The following MYH10 variants were observed in gnomAD, a reference collection of about 807,000 sequenced individuals.
The protein encoded by MYH10 is myosin heavy chain 10, also known as myosin-10.
In MYH10, 55 loss-of-function variants were observed where a neutral mutation model predicts 257.8. That is an observed-to-expected ratio of 0.21 (90% CI 0.17 to 0.27). The LOEUF is 0.27. MYH10 is among the 10% of genes least tolerant of loss of function. MYH10 has a pLI of 1.00. For synonymous variants in MYH10, 854 were observed against 921.7 expected (o/e 0.93, Z 1.33); for missense variants, 1,631 against 2,500.6 (o/e 0.65, Z 7.42).
intron 19 of MYH10, among the ~76,000 whole-genome samples, 169 bp from the exon 20 acceptor site, chr17:8,519,119 A>C (rs1035628828): frequency 2.0e-5 from 3 of 152,266 alleles, no homozygotes; most frequent in African/African-American, 7.2e-5. Flanking sequence ...TGTTTTCTGT[A>C]GATCTACTTT....
chr17:8,477,122 G>T lies in MYH10; in HGVS notation c.5707-74C>A. 1 of 1,531,296 alleles carries T rather than the reference G, an allele frequency of 6.5e-7. No homozygotes were observed. The highest frequency in any genetic ancestry group is 8.9e-7 in the Non-Finnish European group (1 of 1,119,028). 94.9% of individuals were successfully genotyped at this position (1,531,296 alleles called of 1,614,324 possible). On this transcript the variant is annotated intron_variant, in intron 41 of 42. Coordinates refer to ENST00000360416, the MANE Select transcript of MYH10 (RefSeq NM_001256012.3). The surrounding 1 kb of genome is among the most constrained non-coding windows in gnomAD (Gnocchi z 4.2). ...GTCGGCCTCTCTGTACCCCGAGCGT[G>T]GCAGTGTGGGGCTCTGCCTGTTACC...
chr17:8,569,813 CT>C lies in MYH10; in HGVS notation c.664-2del. 3 of 1,606,594 alleles carry C rather than the reference CT, an allele frequency of 1.9e-6. No individual in the cohort carries two copies. The highest frequency in any genetic ancestry group is 1.7e-6 in the Non-Finnish European group (2 of 1,175,284). On this transcript the variant is annotated splice_acceptor_variant, in intron 6 of 42. Transcript: ENST00000360416. LOFTEE classifies it high-confidence loss of function. This position sits in a 1 kb window ranked among gnomAD's most constrained non-coding sequence, Gnocchi z 4.1. ...GCAAAAGCTGCCGTTCAAGTTCCCC[CT>C]AAAAGACATTACACACACACAAATA...
intron 1 of MYH10, among the ~76,000 whole-genome samples, chr17:8,626,608 T>TAATAATAAG (rs1391749860): frequency 7.2e-6 from 1 of 138,854 alleles, no homozygotes; most frequent in Non-Finnish European, 1.6e-5. Context: ...ATAATAATAA[T>TAATAATAAG]AAGTAAAATA....
At chr17:8,591,152 A>G (rs995064557) in intron 3 of MYH10, among the ~76,000 whole-genome samples, 9 of 152,130 alleles carry the variant, frequency 5.9e-5, no homozygotes, top group African/African-American at 1.4e-4. Context: ...GATCACAGGC[A>G]TGAGCCACCG....
intron 6 of MYH10, among the ~76,000 whole-genome samples, chr17:8,572,889 T>C (rs2083394073): frequency 6.6e-6 from 1 of 152,226 alleles, no homozygotes; most frequent in Admixed American, 6.5e-5. Flanking sequence ...AGATAATTTC[T>C]GTGTTGAACA....
chr17:8,514,126 A>T (rs1018859442), intron 21 of MYH10, among the ~76,000 whole-genome samples: 2 of 152,094 alleles, frequency 1.3e-5, no homozygotes, highest in Non-Finnish European at 2.9e-5. Context: ...TCCTGCACTG[A>T]CTTTCTTCAG....
intron 7 of MYH10, among the ~76,000 whole-genome samples, chr17:8,554,976 G>A (rs1403632151): frequency 6.6e-6 from 1 of 150,478 alleles, no homozygotes; most frequent in Non-Finnish European, 1.5e-5. Context: ...AGCAAATATG[G>A]TATGGTTATA....
At chr17:8,550,433 G>C (rs1169435136) in intron 9 of MYH10, among the ~76,000 whole-genome samples, 3 of 151,896 alleles carry the variant, frequency 2.0e-5, no homozygotes, top group African/African-American at 7.3e-5. Context: ...TCTGAGAAGT[G>C]AGGAGCCCCT....
chr17:8,557,045 G>A (rs11868717), intron 7 of MYH10, among the ~76,000 whole-genome samples: 63,693 of 151,694 alleles, frequency 0.42, 13,341 homozygotes, highest in East Asian at 0.5. Flanking sequence ...TTTTACTTAC[G>A]ACTTTAGGGC....
At position 8,545,724 on chromosome 17, in the gene MYH10, C is replaced by G. The variant is rs1363438092; in HGVS notation, c.1279-124G>C. The G allele has an allele frequency of 6.7e-6, 6 of 893,502 alleles. No homozygotes were observed. The Admixed American group carries it at 1.7e-4, about 25-fold the overall frequency. The allele number at this position is 893,502 out of a possible 1,614,324, so 55.3% of individuals were successfully genotyped here. ...CCTGAGATGGCATTCACTGCTTAATCATGTCTCAATTTTACACATCAATAG... is the reference window on the plus strand; with the variant it reads ...CCTGAGATGGCATTCACTGCTTAATGATGTCTCAATTTTACACATCAATAG... On this transcript the variant is annotated intron_variant, in intron 12 of 42. Transcript: ENST00000360416. This position sits in a 1 kb window ranked among gnomAD's most constrained non-coding sequence, Gnocchi z 4.7.
At chr17:8,538,658 A>G (rs1288641034) in intron 14 of MYH10, among the ~76,000 whole-genome samples, 1 of 152,186 alleles carries the variant, frequency 6.6e-6, no homozygotes, top group African/African-American at 2.4e-5. Context: ...TAGGCAGGGA[A>G]TAAAGGGTCC....
chr17:8,599,777 G>C (rs2084521678), intron 3 of MYH10, among the ~76,000 whole-genome samples: 1 of 152,206 alleles, frequency 6.6e-6, no homozygotes, highest in Non-Finnish European at 1.5e-5. Context: ...TCACAACCCA[G>C]AATAATCAAC....
chr17:8,547,610 G>T (rs1170143524), intron 11 of MYH10, among the ~76,000 whole-genome samples: 1 of 151,692 alleles, frequency 6.6e-6, no homozygotes, highest in African/African-American at 2.4e-5. Flanking sequence ...ACAGTGGACT[G>T]CGGATGCCTC....
chr17:8,543,338 A>G (rs896962131), intron 13 of MYH10, among the ~76,000 whole-genome samples: 41 of 152,090 alleles, frequency 2.7e-4, no homozygotes, highest in African/African-American at 9.4e-4. Flanking sequence ...CTTGCTCAAC[A>G]CTGTATTTCT....
intron 14 of MYH10, among the ~76,000 whole-genome samples, chr17:8,540,241 T>C (rs1380862494): frequency 6.6e-6 from 1 of 152,184 alleles, no homozygotes; most frequent in African/African-American, 2.4e-5. Context: ...GTGATCTGCC[T>C]GCCTCAGCCT....
intron 40 of MYH10, among the ~76,000 whole-genome samples, chr17:8,479,402 A>G (rs1167858118): frequency 6.6e-6 from 1 of 152,234 alleles, no homozygotes; most frequent in African/African-American, 2.4e-5. Context: ...TATTATGCAA[A>G]AGTAGATAGA....
At chr17:8,522,299 T>G (rs940731584) in intron 17 of MYH10, among the ~76,000 whole-genome samples, 30 of 152,206 alleles carry the variant, frequency 2.0e-4, no homozygotes, top group African/African-American at 7.0e-4. Context: ...AAGATCTCAT[T>G]CAATTATCAA....
At chr17:8,507,681 G>C (rs1474366731) in intron 26 of MYH10, among the ~76,000 whole-genome samples, 5 of 152,168 alleles carry the variant, frequency 3.3e-5, no homozygotes, top group African/African-American at 1.2e-4. Context: ...AGTTAAAAAA[G>C]GAAAACCAGG....
intron 14 of MYH10, among the ~76,000 whole-genome samples, chr17:8,539,743 A>G (rs1023343639): frequency 6.6e-6 from 1 of 151,932 alleles, no homozygotes; most frequent in African/African-American, 2.4e-5. Flanking sequence ...ACATGACACC[A>G]TACCTGGCTA....
Sources: allele counts gnomAD v4.1 joint callset (sites outside exome capture counted in the v4.1 genomes callset), GRCh38; gene constraint gnomAD v4.1.1; non-coding constraint Gnocchi (gnomAD v3.1); transcripts MANE v1.5; gene names NCBI Gene and HGNC (gene_info 2026-07-23, HGNC 2026-07-21).